FILIP1: variants seen among roughly 807,000 people sequenced by gnomAD.
FILIP1 encodes the protein filamin-A-interacting protein 1.
A neutral mutation model predicts 102.1 loss-of-function variants in FILIP1; 61 were observed. The ratio of observed to expected loss-of-function variants is 0.60; its 90% CI spans 0.49 to 0.74. FILIP1 has a LOEUF of 0.74. FILIP1 is among the 30% of genes least tolerant of loss of function. The pLI, the probability that FILIP1 is intolerant of heterozygous loss-of-function variation, is 0.00. For synonymous variants in FILIP1, 491 were observed against 526.9 expected, an observed-to-expected ratio of 0.93 and a Z score of 0.93; for missense variants, 1,314 against 1,441.2, an observed-to-expected ratio of 0.91 and a Z score of 1.43.
At chr6:75,362,712 A>T in intron 3 of FILIP1, 32 bp downstream of exon 3, 1 of 1,601,918 alleles carries the variant, frequency 6.2e-7, no homozygotes, top group African/African-American at 1.3e-5. Flanking sequence ...TGAGGTTCCC[A>T]TCCAGGGGAC....
intron 5 of FILIP1, among the ~76,000 whole-genome samples, chr6:75,309,610 C>T (rs527746325): frequency 1.3e-3 from 201 of 152,278 alleles, no homozygotes; most frequent in African/African-American, 4.7e-3. Flanking sequence ...TCTAGAAATG[C>T]AGATCCTTAT....
intron 3 of FILIP1, among the ~76,000 whole-genome samples, chr6:75,356,641 G>C (rs113574280): frequency 0.011 from 1,690 of 152,110 alleles, 38 homozygotes; most frequent in African/African-American, 0.039. Context: ...GCTAGTTTTT[G>C]TATTTTTAGT....
chr6:75,457,044 T>G (rs1778860456), intron 1 of FILIP1, among the ~76,000 whole-genome samples: 1 of 152,222 alleles, frequency 6.6e-6, no homozygotes, highest in South Asian at 2.1e-4. Context: ...TGATAAAATA[T>G]TTTTTATATC....
intron 3 of FILIP1, among the ~76,000 whole-genome samples, chr6:75,355,611 C>T (rs759347562): frequency 3.3e-5 from 5 of 152,096 alleles, no homozygotes; most frequent in Admixed American, 6.5e-5. Context: ...CCATGTTGGC[C>T]AGGCTGGTCT....
exon 7 of FILIP1, chr6:75,294,356 T>A (rs1037554481): frequency 6.6e-6 from 1 of 152,154 alleles, no homozygotes; most frequent in African/African-American, 2.4e-5. Context: ...ACTTCCACAT[T>A]CAGAAACTGA....
chr6:75,420,235 G>A (rs532717853), intron 1 of FILIP1, among the ~76,000 whole-genome samples: 3 of 151,520 alleles, frequency 2.0e-5, no homozygotes, highest in Middle Eastern at 6.8e-3. Context: ...ATTTTATGAC[G>A]TTCTGTTTAA....
At chr6:75,469,866 T>C (rs758373467) in intron 1 of FILIP1, among the ~76,000 whole-genome samples, 7 of 152,118 alleles carry the variant, frequency 4.6e-5, no homozygotes, top group Non-Finnish European at 1.0e-4. Flanking sequence ...TATGTGTGTA[T>C]ATGTGATACA....
At chr6:75,375,937 T>A (rs1367405968) in intron 2 of FILIP1, among the ~76,000 whole-genome samples, 1 of 152,176 alleles carries the variant, frequency 6.6e-6, no homozygotes, top group Non-Finnish European at 1.5e-5. Flanking sequence ...ACACTGTATA[T>A]TTACTTTTAC....
At chr6:75,364,435 T>C (rs1174807474) in intron 2 of FILIP1, among the ~76,000 whole-genome samples, 1 of 152,174 alleles carries the variant, frequency 6.6e-6, no homozygotes, top group African/African-American at 2.4e-5. Flanking sequence ...CCATTCATCC[T>C]CTCTGCCAGG....
chr6:75,332,869 ATCCATAAAGGTACCATACACC>A (rs1774125593), intron 4 of FILIP1, among the ~76,000 whole-genome samples: 1 of 152,196 alleles, frequency 6.6e-6, no homozygotes, highest in Non-Finnish European at 1.5e-5. Context: ...GTTGGAGACA[ATCCATAAAGGTACCATACACC>A]TCATTTTACT....
At chr6:75,397,795 A>G (rs1395305855) in intron 2 of FILIP1, 1 of 152,142 alleles carries the variant, frequency 6.6e-6, no homozygotes, top group Admixed American at 6.6e-5. Context: ...CTTGGTTTAT[A>G]GCTGATTTTC....
chr6:75,432,639 G>A (rs1777863553), intron 1 of FILIP1, among the ~76,000 whole-genome samples: 1 of 152,072 alleles, frequency 6.6e-6, no homozygotes, highest in Admixed American at 6.5e-5. Flanking sequence ...GTGGCTCAAA[G>A]AGAGTGAATT....
At chr6:75,293,061 A>G (rs1205293172) in exon 7 of FILIP1, 1 of 152,232 alleles carries the variant, frequency 6.6e-6, no homozygotes, top group East Asian at 1.9e-4. Context: ...ATCAAACTCG[A>G]ATATTTTATA....
chr6:75,349,454 G>A lies in FILIP1; in HGVS notation c.629+4085C>T, dbSNP rs1346355278. On this transcript the variant is annotated intron_variant, in intron 4 of 5. Transcript: ENST00000237172. ...GAGAAGCTGAGTGAGTGATTATAAGGAGAAAACCACTCAGGCTTATCTCAA... is the reference window on the plus strand; with the variant it reads ...GAGAAGCTGAGTGAGTGATTATAAGAAGAAAACCACTCAGGCTTATCTCAA... 3.3e-5 allele frequency among the ~76,000 whole-genome samples: 5 copies of A among 152,204 alleles called. No homozygotes were observed. The East Asian group carries it at 9.7e-4, about 29-fold the overall frequency.
At chr6:75,303,094 G>A (rs1772887497), downstream of FILIP1, among the ~76,000 whole-genome samples, 1 of 152,130 alleles carries the variant, frequency 6.6e-6, no homozygotes, top group Non-Finnish European at 1.5e-5. Context: ...CTGAATGAGG[G>A]CAGAAGGAGA....
At chr6:75,406,076 T>C (rs1776834751) in intron 2 of FILIP1, among the ~76,000 whole-genome samples, 1 of 152,214 alleles carries the variant, frequency 6.6e-6, no homozygotes, top group Non-Finnish European at 1.5e-5. Context: ...GAATGCCCTT[T>C]AGTCCTGTCT....
At chr6:75,350,523 T>C (rs998103061) in intron 4 of FILIP1, among the ~76,000 whole-genome samples, 5 of 151,996 alleles carry the variant, frequency 3.3e-5, no homozygotes, top group Non-Finnish European at 7.4e-5. Context: ...AAATTGTTAG[T>C]CTGGAGTTGA....
At chr6:75,333,811 C>T (rs1774154325) in intron 4 of FILIP1, among the ~76,000 whole-genome samples, 1 of 152,130 alleles carries the variant, frequency 6.6e-6, no homozygotes. Context: ...TGAATTTAGA[C>T]AATGTTTTTT....
At chr6:75,369,830 T>C (rs187510612) in intron 2 of FILIP1, among the ~76,000 whole-genome samples, 91 of 152,266 alleles carry the variant, frequency 6.0e-4, no homozygotes, top group Admixed American at 5.9e-3. Context: ...ACAAAAGATA[T>C]AAAATAGCAT....
Sources: gnomAD v4.1 joint callset for allele counts (sites outside exome capture counted in the v4.1 genomes callset) on GRCh38, gnomAD v4.1.1 for gene constraint, MANE v1.5 for transcripts, NCBI Gene and HGNC (gene_info 2026-07-23, HGNC 2026-07-21) for gene names.